BNC2: variants seen among roughly 807,000 people sequenced by gnomAD.
BNC2 encodes basonuclin zinc finger protein 2.
Under a neutral mutation model 76.3 loss-of-function variants are expected in BNC2, and 20 were observed. That is an observed-to-expected ratio of 0.26 (90% confidence interval 0.18 to 0.38). The LOEUF is 0.38. Among genes scored for constraint, BNC2 ranks in the 10% least tolerant of loss-of-function variants. The pLI is 1.00. For synonymous variants in BNC2, 582 were observed against 514.8 expected (o/e 1.13, Z -1.77); for missense variants, 1,382 against 1,399.8 (o/e 0.99, Z 0.20).
intron 5 of BNC2, among the ~76,000 whole-genome samples, chr9:16,474,130 T>C (rs1488799417): frequency 3.9e-5 from 6 of 152,208 alleles, no homozygotes; most frequent in African/African-American, 1.4e-4. Context: ...ACTGTAATTT[T>C]TAACTGCACT....
intron 3 of BNC2, among the ~76,000 whole-genome samples, chr9:16,600,064 G>C (rs1018144544): frequency 1.4e-4 from 21 of 152,038 alleles, no homozygotes; most frequent in African/African-American, 5.1e-4. Context: ...TCTAGACTAC[G>C]GTATGTACTT....
intron 5 of BNC2, among the ~76,000 whole-genome samples, chr9:16,483,595 T>G (rs1822104038): frequency 6.6e-6 from 1 of 152,230 alleles, no homozygotes; most frequent in Admixed American, 6.5e-5. Flanking sequence ...GATGAAAATA[T>G]TAATTTCATA....
chr9:16,708,145 C>T (rs975027998), intron 3 of BNC2, among the ~76,000 whole-genome samples: 4 of 151,982 alleles, frequency 2.6e-5, no homozygotes, highest in African/African-American at 9.7e-5. Context: ...AAAAAGGTGC[C>T]CAGAGTTTTG....
chr9:16,700,653 A>G (rs10756783), intron 3 of BNC2, among the ~76,000 whole-genome samples: 92,762 of 151,914 alleles, frequency 0.61, 31,492 homozygotes, highest in Non-Finnish European at 0.79. Context: ...GTCTTTCATA[A>G]GCTTTTAAAA....
rs78956627 is a variant in BNC2 at position 16,522,025 on chromosome 9, T to G, written c.669+30505A>C. ...ACAGCACTAGACAAAAAGTGACTAG[T>G]AATGCCCAGCACATTCCTCTGCTTG... On this transcript the variant is annotated intron_variant, in intron 5 of 6. Coordinates refer to ENST00000380672, the MANE Select transcript of BNC2 (RefSeq NM_017637.6). Among the ~76,000 whole-genome samples, 17 of 152,326 alleles carry G rather than the reference T, an allele frequency of 1.1e-4. No individual in the cohort carries two copies. The East Asian group carries it at 2.3e-3, about 21-fold the overall frequency.
At chr9:16,808,479 C>CTTTTTTTTTTTTT (rs768028981) in intron 1 of BNC2, among the ~76,000 whole-genome samples, 1 of 78,678 alleles carries the variant, frequency 1.3e-5, no homozygotes, top group African/African-American at 5.2e-5. Flanking sequence ...TCTTGGGCAA[C>CTTTTTTTTTTTTT]TTTTTTTTTT....
At chr9:16,585,318 G>C (rs1428427547) in intron 3 of BNC2, among the ~76,000 whole-genome samples, 6 of 151,904 alleles carry the variant, frequency 3.9e-5, no homozygotes, top group African/African-American at 7.3e-5. Context: ...TACACATTTG[G>C]TACATTCGGG....
chr9:16,830,240 C>T (rs1818550268), intron 1 of BNC2, among the ~76,000 whole-genome samples: 1 of 152,162 alleles, frequency 6.6e-6, no homozygotes, highest in South Asian at 2.1e-4. Context: ...ATAACATACA[C>T]AGTTATCAGC....
At chr9:16,672,749 C>T (rs921562326) in intron 3 of BNC2, among the ~76,000 whole-genome samples, 1 of 152,104 alleles carries the variant, frequency 6.6e-6, no homozygotes, top group Admixed American at 6.5e-5. Context: ...TTTTTTCCTA[C>T]AATTTATTAG....
At chr9:16,723,887 CTAA>C (rs1022068006) in intron 3 of BNC2, among the ~76,000 whole-genome samples, 8 of 151,974 alleles carry the variant, frequency 5.3e-5, no homozygotes, top group African/African-American at 1.9e-4. Context: ...AATGTCACTA[CTAA>C]TAATATTTGC....
At chr9:16,585,151 CA>C (rs1223141624) in intron 3 of BNC2, among the ~76,000 whole-genome samples, 1 of 152,054 alleles carries the variant, frequency 6.6e-6, no homozygotes, top group African/African-American at 2.4e-5. Flanking sequence ...ACACTTTCAT[CA>C]ACTTTAATTA....
At position 16,416,728 on chromosome 9, in the gene BNC2, A is replaced by G. The variant is rs1030178763; in HGVS notation, c.*2261T>C. The G allele has an allele frequency of 1.3e-5, 2 of 152,670 alleles. No individual in the cohort carries two copies. The highest frequency in any genetic ancestry group is 2.9e-5 in the Non-Finnish European group (2 of 68,044). 9.5% of individuals were successfully genotyped at this position (152,670 alleles called of 1,614,324 possible). A position where few individuals can be genotyped will look rare whatever the true frequency, so the allele number is the denominator to read the frequency against. ...CCCATAGCATCCTCTGAAGGAGGTG[A>G]AAAGATAAAGCTCCTAGACATAGCT... On this transcript the variant is annotated 3_prime_UTR_variant, in exon 7 of 7. Transcript: ENST00000380672.
At chr9:16,792,594 G>C (rs369210225) in intron 1 of BNC2, among the ~76,000 whole-genome samples, 3 of 152,198 alleles carry the variant, frequency 2.0e-5, no homozygotes, top group African/African-American at 7.2e-5. Flanking sequence ...GGGGCCAAAA[G>C]AATAGTTCAA....
intron 1 of BNC2, among the ~76,000 whole-genome samples, chr9:16,845,831 C>A (rs554828618): frequency 3.9e-5 from 6 of 152,024 alleles, no homozygotes; most frequent in African/African-American, 1.4e-4. Flanking sequence ...TACCATATGA[C>A]AGAAACAATG....
intron 5 of BNC2, among the ~76,000 whole-genome samples, chr9:16,510,222 A>C (rs1443758478): frequency 6.6e-6 from 1 of 152,198 alleles, no homozygotes; most frequent in African/African-American, 2.4e-5. Flanking sequence ...ATCATCAGTC[A>C]TCTCTACAAA....
chr9:16,718,255 C>T (rs1485395406), intron 3 of BNC2, among the ~76,000 whole-genome samples: 1 of 152,204 alleles, frequency 6.6e-6, no homozygotes. Flanking sequence ...TGTATGAGGC[C>T]AGCTTTCCGG....
intron 3 of BNC2, among the ~76,000 whole-genome samples, chr9:16,702,581 G>A (rs563232748): frequency 2.0e-5 from 3 of 147,114 alleles, no homozygotes; most frequent in Non-Finnish European, 4.5e-5. Context: ...GCCTAATATC[G>A]CCTTTCCTAG....
intron 1 of BNC2, among the ~76,000 whole-genome samples, chr9:16,782,875 A>C (rs73646253): frequency 0.023 from 3,500 of 152,330 alleles, 113 homozygotes; most frequent in African/African-American, 0.078. Context: ...TGAATGTATT[A>C]ATGAATGAGT....
At chr9:16,864,717 C>T (rs957570989) in intron 1 of BNC2, among the ~76,000 whole-genome samples, 1 of 152,196 alleles carries the variant, frequency 6.6e-6, no homozygotes, top group African/African-American at 2.4e-5. Flanking sequence ...CAGCAGCATG[C>T]ACGACAATAG....
Sources: allele counts gnomAD v4.1 joint callset (sites outside exome capture counted in the v4.1 genomes callset), GRCh38; gene constraint gnomAD v4.1.1; transcripts MANE v1.5; gene names NCBI Gene and HGNC (gene_info 2026-07-23, HGNC 2026-07-21).